The following GTSE1 variants were observed in gnomAD, a reference collection of about 807,000 sequenced individuals.
GTSE1 encodes G2 and S phase-expressed protein 1.
A neutral mutation model predicts 60.5 loss-of-function variants in GTSE1; 52 were observed. The observed-to-expected ratio is 0.86, with a 90% CI of 0.69 to 1.08. The LOEUF is 1.08. Ranked by LOEUF, GTSE1 falls within the 50% of genes least tolerant of loss-of-function variation. The pLI is 0.00. For missense variants in GTSE1, 937 were observed against 961.8 expected (o/e 0.97, Z 0.34); for synonymous variants, 368 against 386.5 (o/e 0.95, Z 0.56).
chr22:46,310,963 T>G lies in GTSE1; in HGVS notation c.763-1178T>G, dbSNP rs2077744798. Among the ~76,000 whole-genome samples the G allele has an allele frequency of 1.3e-5, 2 of 152,030 alleles. No homozygotes were observed. The highest frequency in any genetic ancestry group is 2.1e-4 in the South Asian group (1 of 4,818). ...GTCGTATGGTTCCATTTATATGAAA[T>G]GACTATGACAGGCCAATGACAGAGG... On this transcript the variant is annotated intron_variant, in intron 4 of 11. Coordinates refer to ENST00000454366, the MANE Select transcript of GTSE1 (RefSeq NM_016426.7). The surrounding 1 kb of genome is among the most constrained non-coding windows in gnomAD (Gnocchi z 4.4).
In GTSE1 at chr22:46,326,495, T is replaced by A; in HGVS notation, c.1565T>A (p.Leu522Gln). 4.3e-6 allele frequency: 7 copies of A among 1,614,060 alleles called. No individual in the cohort carries two copies. Among genetic ancestry groups the A allele is most frequent in the Non-Finnish European group, 5.9e-6 (7 of 1,179,902 alleles). ...RSSGPAPQSLLSAWRVSALPT... is the reference protein window; with the variant it reads ...RSSGPAPQSLQSAWRVSALPT... ...TCTGGGCCAGCACCACAAAGCCTGC[T>A]GAGCGCATGGCGTGTGTCAGCCTTG... The change falls in exon 9 of 12, where the codon CTG becomes CAG. Residue 522 changes from leucine to glutamine, a missense_variant. Leu to Gln is a moderately radical substitution (Grantham distance 113). Coordinates refer to ENST00000454366, the MANE Select transcript of GTSE1 (RefSeq NM_016426.7).
chr22:46,316,491 G>T lies in GTSE1; in HGVS notation c.1432+79G>T. On this transcript the variant is annotated intron_variant, in intron 7 of 11. Coordinates refer to ENST00000454366, the MANE Select transcript of GTSE1 (RefSeq NM_016426.7). This position sits in a 1 kb window ranked among gnomAD's most constrained non-coding sequence, Gnocchi z 5.0. Reference sequence around the variant, plus strand: ...TTTAAAGTTTTAAACAATTATTGATGGCATTGATGGTGTTTTTAGTTCTTT... The same window carrying T: ...TTTAAAGTTTTAAACAATTATTGATTGCATTGATGGTGTTTTTAGTTCTTT... 2 of 976,768 alleles carry T rather than the reference G, an allele frequency of 2.0e-6. No individual in the cohort carries two copies. The highest frequency in any genetic ancestry group is 3.3e-5 in the South Asian group (2 of 61,376). The allele number at this position is 976,768 out of a possible 1,614,324, so 60.5% of individuals were successfully genotyped here.
Position 46,319,999 on chromosome 22 carries a change from A to G in GTSE1, c.1433-3191A>G, listed in dbSNP as rs1213547024. On this transcript the variant is annotated intron_variant, in intron 7 of 11. Transcript: ENST00000454366. The surrounding 1 kb of genome is among the most constrained non-coding windows in gnomAD (Gnocchi z 5.0). ...GACTGTCTCAAAAAAAAAAAAAAGA[A>G]AGAAAGAAAGAAAAGAAATGCGAGC... Among the ~76,000 whole-genome samples, 2 of 151,574 alleles carry G rather than the reference A, an allele frequency of 1.3e-5. No individual in the cohort carries two copies. Among genetic ancestry groups the G allele is most frequent in the African/African-American group, 4.9e-5 (2 of 41,116 alleles).
chr22:46,330,116 C>A lies in GTSE1; in HGVS notation c.2206C>A (p.Leu736Ile). 2 of 1,600,718 alleles carry A rather than the reference C, an allele frequency of 1.2e-6. No homozygotes were observed. The highest frequency in any genetic ancestry group is 1.7e-6 in the Non-Finnish European group (2 of 1,167,722). Residue 736 changes from leucine (L) to isoleucine (I), a missense_variant, in exon 12 of 12, where the codon CTC becomes ATC. Leu to Ile is a conservative substitution (Grantham distance 5). Coordinates refer to ENST00000454366, the MANE Select transcript of GTSE1 (RefSeq NM_016426.7). The surrounding 1 kb of genome is among the most constrained non-coding windows in gnomAD (Gnocchi z 6.0). ...EADKENVDSPLLKF is the reference protein window; with the variant it reads ...EADKENVDSPILKF ...TGACAAGGAGAACGTGGATTCCCCA[C>A]TCCTCAAGTTCTAAGCCGAACCAAA...
chr22:46,316,918 C>T lies in GTSE1; in HGVS notation c.1432+506C>T, dbSNP rs2077784511. Among the ~76,000 whole-genome samples, 1 of 151,766 alleles carries T rather than the reference C, an allele frequency of 6.6e-6. No homozygotes were observed. The highest frequency in any genetic ancestry group is 1.5e-5 in the Non-Finnish European group (1 of 67,942). ...GCTCTGTTCTTTTTTTTATTTCAGC[C>T]TTTTTTCTTTTTCTTATCTTTTTTC... On this transcript the variant is annotated intron_variant, in intron 7 of 11. Transcript: ENST00000454366. This position sits in a 1 kb window ranked among gnomAD's most constrained non-coding sequence, Gnocchi z 5.0.
In GTSE1 at chr22:46,308,384, G is replaced by A. The variant is rs767140089; in HGVS notation, c.203G>A (p.Ser68Asn). 1 of 1,614,124 alleles carries A rather than the reference G, an allele frequency of 6.2e-7. No homozygotes were observed. The highest frequency in any genetic ancestry group is 1.1e-5 in the South Asian group (1 of 91,088). Residue 68 changes from serine (S) to asparagine (N), a missense_variant, in exon 4 of 12, where the codon AGC becomes AAC. By Grantham distance (46) the Ser-to-Asn change is conservative. Transcript: ENST00000454366. The stretch of plus-strand genomic sequence containing the variant: ...CATAAAGAAAGATGTATTGCTGCCA[G>A]CTTGGAATTAAATAATCCGGTTCCC... ...FGHKERCIAA[S>N]LELNNPVPEQ...
chr22:46,298,162 C>G (rs1443436260), intron 2 of GTSE1, among the ~76,000 whole-genome samples: 1 of 150,794 alleles, frequency 6.6e-6, no homozygotes, highest in Non-Finnish European at 1.5e-5. Flanking sequence ...GGGGTTTTGC[C>G]ATGTTGCCCA....
At position 46,308,715 on chromosome 22, in the gene GTSE1, G is replaced by A; in HGVS notation, c.534G>A (p.Val178=). Residue 178 remains valine (V), a synonymous_variant, in exon 4 of 12, where the codon GTG becomes GTA. Transcript: ENST00000454366. The part of the protein sequence containing the change: ...LSDSPLLGPP[V]GEPRLLASSP... ...ACAGCCCCTTGCTGGGGCCCCCTGT[G>A]GGTGAGCCTCGGCTCTTGGCCTCCT... is the stretch of plus-strand genomic sequence containing the variant. The A allele has an allele frequency of 6.2e-7, 1 of 1,613,696 alleles. No homozygotes were observed. The highest frequency in any genetic ancestry group is 8.5e-7 in the Non-Finnish European group (1 of 1,180,052).
In GTSE1 at chr22:46,297,333, C is replaced by G. The variant is rs993071025; in HGVS notation, c.-21-47C>G. ...CCGAGGGCTGAAGGAAGCCGGAGCC[C>G]TGGGCCCTGACACGTACTCACTTTC... On this transcript the variant is annotated intron_variant, in intron 1 of 11. Transcript: ENST00000454366. The surrounding 1 kb of genome is among the most constrained non-coding windows in gnomAD (Gnocchi z 4.9). 39 of 1,095,894 alleles carry G rather than the reference C, an allele frequency of 3.6e-5. No homozygotes were observed. The highest frequency in any genetic ancestry group is 5.1e-5 in the Non-Finnish European group (36 of 710,266). 67.9% of individuals were successfully genotyped at this position (1,095,894 alleles called of 1,614,324 possible).
intron 8 of GTSE1, among the ~76,000 whole-genome samples, chr22:46,325,627 C>G (rs1456675887): frequency 2.0e-5 from 3 of 152,248 alleles, no homozygotes; most frequent in African/African-American, 7.2e-5. Flanking sequence ...TCCTGAGTAG[C>G]TGGGACCACA....
In GTSE1 at chr22:46,321,418, A is replaced by G. The variant is rs1569045089; in HGVS notation, c.1433-1772A>G. ...GACCTTGTTTCTTGTAAGAAAGAAA[A>G]GAAACAAACAAACTGAAAACGGAGG... On this transcript the variant is annotated intron_variant, in intron 7 of 11. Coordinates refer to ENST00000454366, the MANE Select transcript of GTSE1 (RefSeq NM_016426.7). This position sits in a 1 kb window ranked among gnomAD's most constrained non-coding sequence, Gnocchi z 4.0. Among the ~76,000 whole-genome samples, 1 of 152,138 alleles carries G rather than the reference A, an allele frequency of 6.6e-6. No homozygotes were observed. Among genetic ancestry groups the G allele is most frequent in the Non-Finnish European group, 1.5e-5 (1 of 68,030 alleles).
At chr22:46,327,593 T>C (rs2077851414) in intron 9 of GTSE1, among the ~76,000 whole-genome samples, 1 of 152,128 alleles carries the variant, frequency 6.6e-6, no homozygotes, top group South Asian at 2.1e-4. Context: ...GAGAATCACT[T>C]GATTCTGGGA....
rs1158159499 is a variant in GTSE1, at chr22:46,318,662, G to C, written c.1432+2250G>C. Among the ~76,000 whole-genome samples the C allele has an allele frequency of 6.6e-6, 1 of 152,146 alleles. No individual in the cohort carries two copies. The highest frequency in any genetic ancestry group is 1.5e-5 in the Non-Finnish European group (1 of 68,018). The stretch of plus-strand genomic sequence containing the variant: ...GCAGCCGGTAGGAAAGTGCAAGGGG[G>C]AGCACTCCAGGCAGAGGCAACGGCA... On this transcript the variant is annotated intron_variant, in intron 7 of 11. Transcript: ENST00000454366. The surrounding 1 kb of genome is among the most constrained non-coding windows in gnomAD (Gnocchi z 4.8).
rs2077727035 is a variant in GTSE1, at chr22:46,308,356, G to A, written c.175G>A (p.Gly59Arg). The A allele has an allele frequency of 1.2e-6, 2 of 1,613,992 alleles. No individual in the cohort carries two copies. Among genetic ancestry groups the A allele is most frequent in the Non-Finnish European group, 1.7e-6 (2 of 1,179,902 alleles). ...EDDEVFFGPF[G>R]HKERCIAASL... ...TGATGAAGTCTTCTTCGGACCCTTT[G>A]GACATAAAGAAAGATGTATTGCTGC... is the stretch of plus-strand genomic sequence containing the variant. Residue 59 changes from glycine to arginine, a missense_variant, in exon 4 of 12, where the codon GGA (glycine) becomes AGA (arginine). Physicochemically the swap from Gly to Arg is moderately radical, Grantham distance 125 (BLOSUM62 -2). Coordinates refer to ENST00000454366, the MANE Select transcript of GTSE1 (RefSeq NM_016426.7).
Position 46,319,265 on chromosome 22 carries a change from A to G in GTSE1, c.1432+2853A>G, listed in dbSNP as rs901216242. ...CAGGAGGACGTGCATAGGAGAGATC[A>G]GAGCAGAGCGACTTGACCTTCAGAA... On this transcript the variant is annotated intron_variant, in intron 7 of 11. Coordinates refer to ENST00000454366, the MANE Select transcript of GTSE1 (RefSeq NM_016426.7). This position sits in a 1 kb window ranked among gnomAD's most constrained non-coding sequence, Gnocchi z 5.0. 2.6e-5 allele frequency among the ~76,000 whole-genome samples: 4 copies of G among 152,204 alleles called. No individual in the cohort carries two copies. The highest frequency in any genetic ancestry group is 9.7e-5 in the African/African-American group (4 of 41,450).
intron 2 of GTSE1, among the ~76,000 whole-genome samples, chr22:46,306,204 CAG>C (rs1427440605): frequency 1.3e-5 from 2 of 151,988 alleles, no homozygotes; most frequent in Non-Finnish European, 2.9e-5. Context: ...TTTTTTGAGA[CAG>C]AGTCTCACTC....
Position 46,321,901 on chromosome 22 carries a change from C to CTG in GTSE1, c.1433-1287_1433-1286dup, listed in dbSNP as rs1477335024. On this transcript the variant is annotated intron_variant, in intron 7 of 11. Coordinates refer to ENST00000454366, the MANE Select transcript of GTSE1 (RefSeq NM_016426.7). This position sits in a 1 kb window ranked among gnomAD's most constrained non-coding sequence, Gnocchi z 4.0. ...CCAGCCTGGCCAACATGGCAAAACC[C>CTG]TGTCTCTACTAACAATACAAAAATT... Among the ~76,000 whole-genome samples the CTG allele has an allele frequency of 6.6e-6, 1 of 152,046 alleles. No homozygotes were observed. The highest frequency in any genetic ancestry group is 2.4e-5 in the African/African-American group (1 of 41,408).
intron 8 of GTSE1, among the ~76,000 whole-genome samples, chr22:46,325,075 G>T (rs2147832511): frequency 6.6e-6 from 1 of 152,360 alleles, no homozygotes; most frequent in African/African-American, 2.4e-5. Flanking sequence ...CTGGAGGCTA[G>T]AAATCCAAGA....
chr22:46,303,476 T>A (rs2077700647), intron 2 of GTSE1, among the ~76,000 whole-genome samples: 1 of 152,240 alleles, frequency 6.6e-6, no homozygotes, highest in South Asian at 2.1e-4. Flanking sequence ...TTCTCGTGTC[T>A]ATAATCATGG....
Sources: allele counts gnomAD v4.1 joint callset (sites outside exome capture counted in the v4.1 genomes callset), GRCh38; gene constraint gnomAD v4.1.1; non-coding constraint Gnocchi (gnomAD v3.1); transcripts MANE v1.5; gene names NCBI Gene and HGNC (gene_info 2026-07-23, HGNC 2026-07-21).